Variants in KLHL29 observed in about 807,000 individuals in gnomAD.
The protein encoded by KLHL29 is kelch like family member 29.
In KLHL29, 21 loss-of-function variants were observed where a neutral mutation model predicts 80.4. The ratio of observed to expected loss-of-function variants is 0.26; its 90% CI spans 0.19 to 0.38. KLHL29 has a LOEUF of 0.38. Among genes scored for constraint, KLHL29 ranks in the 10% least tolerant of loss-of-function variants. The pLI is 1.00. For synonymous variants in KLHL29, 511 were observed against 526.8 expected (o/e 0.97, Z 0.41); for missense variants, 867 against 1,223.9 (o/e 0.71, Z 4.35).
At chr2:23,624,850 T>C (rs1365379954) in intron 3 of KLHL29, among the ~76,000 whole-genome samples, 3 of 152,220 alleles carry the variant, frequency 2.0e-5, no homozygotes, top group Admixed American at 6.5e-5. Flanking sequence ...GGTACGTTGC[T>C]AGGTCCTGGA....
chr2:23,641,200 C>A (rs1669760168), intron 4 of KLHL29, among the ~76,000 whole-genome samples: 1 of 152,218 alleles, frequency 6.6e-6, no homozygotes, highest in Non-Finnish European at 1.5e-5. Context: ...TTAGGTCACC[C>A]CGCCTGGCAC....
At position 23,703,877 on chromosome 2, in the gene KLHL29, G is replaced by A. The variant is rs952320454; in HGVS notation, c.2444+14G>A. 3.3e-6 allele frequency: 5 copies of A among 1,533,574 alleles called. No individual in the cohort carries two copies. The highest frequency in any genetic ancestry group is 4.4e-6 in the Non-Finnish European group (5 of 1,145,048). The allele number at this position is 1,533,574 out of a possible 1,614,324, so 95.0% of individuals were successfully genotyped here. Reference sequence around the variant, plus strand: ...CCAGTTCTGCAGGTGAGAGGCTGCGGCGCCTTGACTAGGGCTGGGACGGAG... The same window carrying A: ...CCAGTTCTGCAGGTGAGAGGCTGCGACGCCTTGACTAGGGCTGGGACGGAG... On this transcript the variant is annotated intron_variant, in intron 13 of 13. Transcript: ENST00000486442.
At chr2:23,391,597 G>A (rs879588013) in intron 1 of KLHL29, among the ~76,000 whole-genome samples, 12 of 151,972 alleles carry the variant, frequency 7.9e-5, no homozygotes, top group East Asian at 7.7e-4. Flanking sequence ...CACTATACCC[G>A]GCTGATTTTG....
rs1671058608 is a variant in KLHL29, at chr2:23,680,663, C to T, written c.941-3736C>T. Among the ~76,000 whole-genome samples the T allele has an allele frequency of 6.6e-6, 1 of 151,470 alleles. No homozygotes were observed. Among genetic ancestry groups the T allele is most frequent in the Non-Finnish European group, 1.5e-5 (1 of 67,812 alleles). On this transcript the variant is annotated intron_variant, in intron 5 of 13. Coordinates refer to ENST00000486442, the MANE Select transcript of KLHL29 (RefSeq NM_052920.2). This position sits in a 1 kb window ranked among gnomAD's most constrained non-coding sequence, Gnocchi z 4.1. ...TCTCCTGGGGTCTCTAGGCCATCTT[C>T]TCCTGGGCTCTCTAGGCCATCTTCC...
intron 3 of KLHL29, among the ~76,000 whole-genome samples, chr2:23,602,279 A>C (rs183085034): frequency 2.6e-5 from 4 of 151,830 alleles, no homozygotes; most frequent in Admixed American, 1.3e-4. Flanking sequence ...CCGTCCCAGC[A>C]CCCCCCTGCC....
chr2:23,479,773 A>G (rs895314874), intron 2 of KLHL29, among the ~76,000 whole-genome samples: 4 of 152,148 alleles, frequency 2.6e-5, no homozygotes, highest in African/African-American at 4.8e-5. Context: ...TTAGCCATGC[A>G]TCTCCTTCTC....
intron 3 of KLHL29, among the ~76,000 whole-genome samples, chr2:23,589,843 G>C (rs1021118938): frequency 6.6e-6 from 1 of 152,206 alleles, no homozygotes; most frequent in Admixed American, 6.5e-5. Flanking sequence ...TTTAAAGGGG[G>C]TGCTAGTTCT....
At chr2:23,481,462 G>C (rs1290118666) in intron 2 of KLHL29, among the ~76,000 whole-genome samples, 1 of 152,212 alleles carries the variant, frequency 6.6e-6, no homozygotes, top group Non-Finnish European at 1.5e-5. Flanking sequence ...TCTCTGGCTG[G>C]GATCTGGGCA....
chr2:23,567,432 CA>C (rs1416230344), intron 3 of KLHL29, among the ~76,000 whole-genome samples: 2 of 152,080 alleles, frequency 1.3e-5, no homozygotes, highest in African/African-American at 4.8e-5. Flanking sequence ...CGAGAAGAAC[CA>C]AAAGGGGCTA....
At chr2:23,594,903 G>T (rs147443000) in intron 3 of KLHL29, among the ~76,000 whole-genome samples, 1 of 152,162 alleles carries the variant, frequency 6.6e-6, no homozygotes, top group Non-Finnish European at 1.5e-5. Flanking sequence ...ACTGAAGCAC[G>T]AGTGGTTTTA....
intron 2 of KLHL29, among the ~76,000 whole-genome samples, chr2:23,548,639 G>A (rs898891170): frequency 1.3e-5 from 2 of 152,242 alleles, no homozygotes; most frequent in African/African-American, 4.8e-5. Context: ...CCTAGAGAGT[G>A]GATGGCCTGG....
rs141977277 is a variant in KLHL29, at chr2:23,619,736, G to A, written c.286-19403G>A. Among the ~76,000 whole-genome samples, 136 of 152,248 alleles carry A rather than the reference G, an allele frequency of 8.9e-4. 2 individuals are homozygous for A. The highest frequency in any genetic ancestry group is 3.1e-3 in the African/African-American group (128 of 41,538). On this transcript the variant is annotated intron_variant, in intron 3 of 13. Coordinates refer to ENST00000486442, the MANE Select transcript of KLHL29 (RefSeq NM_052920.2). ...GGAATTGCACCAGGAAAAGAGAAAT[G>A]GAAGCACGTCTGGGGCGCTGGTAAA...
chr2:23,702,711 G>C (rs1672475665), intron 11 of KLHL29, among the ~76,000 whole-genome samples: 1 of 152,194 alleles, frequency 6.6e-6, no homozygotes, highest in African/African-American at 2.4e-5. Context: ...TCAGCATCCT[G>C]CATGTAATTA....
At chr2:23,460,148 G>A (rs754498954) in intron 1 of KLHL29, among the ~76,000 whole-genome samples, 1 of 152,182 alleles carries the variant, frequency 6.6e-6, no homozygotes, top group Non-Finnish European at 1.5e-5. Context: ...TCAACCTTGA[G>A]TAGGATATTT....
In KLHL29 at chr2:23,627,129, A is replaced by G. The variant is rs546968676; in HGVS notation, c.286-12010A>G. ...TTCTGTGTCCCCTGCCTCTTCCACC[A>G]CTGCTTAAGATCTCTCCGCTGTGCC... On this transcript the variant is annotated intron_variant, in intron 3 of 13. Transcript: ENST00000486442. Among the ~76,000 whole-genome samples the G allele has an allele frequency of 2.6e-5, 4 of 152,228 alleles. No homozygotes were observed. The South Asian group carries it at 8.3e-4, about 32-fold the overall frequency.
At chr2:23,580,913 G>T (rs1358529471) in intron 3 of KLHL29, among the ~76,000 whole-genome samples, 1 of 151,564 alleles carries the variant, frequency 6.6e-6, no homozygotes, top group Non-Finnish European at 1.5e-5. Flanking sequence ...AGGAGGAGGA[G>T]GTTGCAGTGA....
intron 5 of KLHL29, chr2:23,672,727 T>C (rs55836224): frequency 0.16 from 24,995 of 152,592 alleles, 2,272 homozygotes; most frequent in Middle Eastern, 0.22. Flanking sequence ...AGCTCTCACC[T>C]CACCCCAGCT....
rs139921028 is a variant in KLHL29, at chr2:23,682,556, T to A, written c.941-1843T>A. Among the ~76,000 whole-genome samples the A allele has an allele frequency of 0.011, 1,726 of 152,330 alleles. 18 individuals are homozygous for A. The highest frequency in any genetic ancestry group is 0.031 in the Middle Eastern group (9 of 294). On this transcript the variant is annotated intron_variant, in intron 5 of 13. Transcript: ENST00000486442. This position sits in a 1 kb window ranked among gnomAD's most constrained non-coding sequence, Gnocchi z 4.1. Reference sequence around the variant, plus strand: ...CCTGTGGCTCCCTGGTGCCCCAGGATGAAGCTGGAGCTCCCAGGCAAGACT... The same window carrying A: ...CCTGTGGCTCCCTGGTGCCCCAGGAAGAAGCTGGAGCTCCCAGGCAAGACT...
chr2:23,565,343 C>T (rs1470661908), intron 3 of KLHL29, among the ~76,000 whole-genome samples: 2 of 152,126 alleles, frequency 1.3e-5, no homozygotes, highest in Non-Finnish European at 2.9e-5. Context: ...GGATTACAGA[C>T]GTGAATCGCC....
Sources: allele counts gnomAD v4.1 joint callset (sites outside exome capture counted in the v4.1 genomes callset), GRCh38; gene constraint gnomAD v4.1.1; non-coding constraint Gnocchi (gnomAD v3.1); transcripts MANE v1.5; gene names NCBI Gene and HGNC (gene_info 2026-07-23, HGNC 2026-07-21).